The following ZNF248 variants were observed in gnomAD, a reference collection of about 807,000 sequenced individuals.
ZNF248 encodes zinc finger protein 248, also known as KRAB protein domain.
In ZNF248, 20 loss-of-function variants were observed where a neutral mutation model predicts 44.3. That is an observed-to-expected ratio of 0.45 (90% CI 0.32 to 0.66). The LOEUF is 0.66. Ranked by LOEUF, ZNF248 falls within the 30% of genes least tolerant of loss-of-function variation. The pLI is 0.04. For synonymous variants in ZNF248, 224 were observed against 229.0 expected, an observed-to-expected ratio of 0.98 and a Z score of 0.20; for missense variants, 654 against 677.0, an observed-to-expected ratio of 0.97 and a Z score of 0.38.
rs557040320 is a variant in ZNF248, at chr10:37,831,771, G to T, written c.1584C>A (p.Thr528=). 2 of 1,612,678 alleles carry T rather than the reference G, an allele frequency of 1.2e-6. No individual in the cohort carries two copies. The highest frequency in any genetic ancestry group is 4.5e-5 in the East Asian group (2 of 44,838). The change falls in exon 6 of 6, where the codon ACC becomes ACA. Residue 528 remains threonine, a synonymous_variant. Transcript: ENST00000395867. Reference sequence around the variant, plus strand: ...TAGTGAGAGCTGATTTTTCACAGAAGGTTTTCCCACATTCATTACACTTAT... The same window carrying T: ...TAGTGAGAGCTGATTTTTCACAGAATGTTTTCCCACATTCATTACACTTAT... ...KPYKCNECGK[T]FCEKSALTKH...
intron 3 of ZNF248, among the ~76,000 whole-genome samples, chr10:37,844,644 G>C (rs2058958498): frequency 6.6e-6 from 1 of 152,160 alleles, no homozygotes; most frequent in South Asian, 2.1e-4. Flanking sequence ...ATGATACTGA[G>C]ACAAAACTGG....
downstream of ZNF248, among the ~76,000 whole-genome samples, chr10:37,824,672 AATT>A (rs2054064451): frequency 1.6e-5 from 1 of 61,302 alleles, no homozygotes; most frequent in African/African-American, 6.8e-5. Flanking sequence ...AATTATTTTA[AATT>A]TTTTTTTTTT....
the ZNF248 span, among the ~76,000 whole-genome samples, chr10:37,767,789 T>C: frequency 6.6e-6 from 1 of 152,204 alleles, no homozygotes; most frequent in South Asian, 2.1e-4. Context: ...TAACTTTAAA[T>C]GTAAATGGAC....
chr10:37,844,403 G>T (rs2058912572), intron 3 of ZNF248, among the ~76,000 whole-genome samples: 1 of 151,874 alleles, frequency 6.6e-6, no homozygotes, highest in Admixed American at 6.6e-5. Flanking sequence ...AACGCCGTAT[G>T]AAGAAATAAA....
intron 6 of ZNF248, among the ~76,000 whole-genome samples, chr10:37,823,038 A>G (rs1003459061): frequency 6.6e-6 from 1 of 152,172 alleles, no homozygotes; most frequent in African/African-American, 2.4e-5. Flanking sequence ...ATGACAGCTT[A>G]AAAAATGCAA....
chr10:37,787,491 T>G (rs1174364001), intron 6 of ZNF248, among the ~76,000 whole-genome samples: 1 of 143,426 alleles, frequency 7.0e-6, no homozygotes, highest in Non-Finnish European at 1.5e-5. Context: ...TTTGTATGTA[T>G]GTTTTTCGGT....
chr10:37,844,610 G>T (rs1220507765), intron 3 of ZNF248, among the ~76,000 whole-genome samples: 4 of 152,184 alleles, frequency 2.6e-5, no homozygotes, highest in Admixed American at 1.3e-4. Context: ...GGAGAAGGCA[G>T]CTGGATAGGA....
downstream of ZNF248, chr10:37,776,204 T>A: frequency 5.6e-6 from 1 of 178,644 alleles, no homozygotes; most frequent in Non-Finnish European, 1.2e-5. Flanking sequence ...CTATGCCCAG[T>A]GATCTCTCCC....
At chr10:37,787,702 G>A (rs1450889559) in intron 6 of ZNF248, among the ~76,000 whole-genome samples, 1 of 150,484 alleles carries the variant, frequency 6.6e-6, no homozygotes, top group Non-Finnish European at 1.5e-5. Flanking sequence ...GAAAATTAAA[G>A]CAGAATGAAT....
intron 6 of ZNF248, among the ~76,000 whole-genome samples, chr10:37,800,825 G>A (rs556118288): frequency 6.6e-6 from 1 of 151,304 alleles, no homozygotes; most frequent in South Asian, 2.1e-4. Context: ...GCAGTGGCAC[G>A]ATCTTGGCTC....
At chr10:37,777,642 G>C (rs527331103) in intron 6 of ZNF248, among the ~76,000 whole-genome samples, 25 of 146,368 alleles carry the variant, frequency 1.7e-4, no homozygotes, top group African/African-American at 5.1e-4. Flanking sequence ...CCACCAACTC[G>C]TCATCTAGCA....
chr10:37,783,884 C>G (rs947801233), intron 6 of ZNF248: 1 of 152,310 alleles, frequency 6.6e-6, no homozygotes, highest in African/African-American at 2.4e-5. Flanking sequence ...GGCATGACCT[C>G]GGCTCACCGC....
In ZNF248 at chr10:37,777,140, G is replaced by C. The variant is rs1029340881; in HGVS notation, c.331-565C>G. Among the ~76,000 whole-genome samples the C allele has an allele frequency of 1.4e-4, 21 of 152,212 alleles. 2 individuals carry two copies. Among genetic ancestry groups the C allele is most frequent in the Admixed American group, 1.2e-3 (18 of 15,280 alleles). ...GATTGAGAGCTCTAAACTGGAGGTA[G>C]GAAGTCATTCTAAGGGCTGCCTGCA... is the stretch of plus-strand genomic sequence containing the variant. On this transcript the variant is annotated intron_variant, in intron 6 of 6. Coordinates refer to the ZNF248 transcript ENST00000615949.
At chr10:37,780,403 G>C (rs933858247) in intron 6 of ZNF248, among the ~76,000 whole-genome samples, 3 of 152,176 alleles carry the variant, frequency 2.0e-5, no homozygotes, top group Non-Finnish European at 4.4e-5. Context: ...CTGAGAAAAA[G>C]AAGCAATGGG....
chr10:37,764,469 TA>T, the ZNF248 span, among the ~76,000 whole-genome samples: 1 of 152,182 alleles, frequency 6.6e-6, no homozygotes, highest in Non-Finnish European at 1.5e-5. Context: ...AATATTTTAT[TA>T]CCTTGTGAAG....
At chr10:37,808,571 C>A (rs766978372) in intron 6 of ZNF248, among the ~76,000 whole-genome samples, 12 of 152,158 alleles carry the variant, frequency 7.9e-5, no homozygotes, top group Non-Finnish European at 1.6e-4. Flanking sequence ...AGGCAGTAGC[C>A]ACCATACCCA....
rs1432292249 is a variant in ZNF248 at position 37,819,549 on chromosome 10, G to A, written c.330+13476C>T. 4 of 965,624 alleles carry A rather than the reference G, an allele frequency of 4.1e-6. No homozygotes were observed. In the East Asian group the frequency reaches 7.2e-5, roughly 17 times the overall value. 59.8% of individuals were successfully genotyped at this position (965,624 alleles called of 1,614,324 possible). A position where few individuals can be genotyped will look rare whatever the true frequency, so the allele number is the denominator to read the frequency against. ...TGTAACAACAAATATCTGTCATTTAGCATTGGATGATCTTTAAATTGTGAG... is the reference window on the plus strand; with the variant it reads ...TGTAACAACAAATATCTGTCATTTAACATTGGATGATCTTTAAATTGTGAG... On this transcript the variant is annotated intron_variant, in intron 6 of 6. Transcript: ENST00000615949.
chr10:37,805,002 C>T (rs560275103), intron 6 of ZNF248, among the ~76,000 whole-genome samples: 1 of 151,976 alleles, frequency 6.6e-6, no homozygotes, highest in East Asian at 1.9e-4. Context: ...TGTTCCACTC[C>T]TAAAAGAAGA....
At chr10:37,801,035 T>C (rs187715097) in intron 6 of ZNF248, among the ~76,000 whole-genome samples, 2 of 151,946 alleles carry the variant, frequency 1.3e-5, no homozygotes, top group East Asian at 2.0e-4. Flanking sequence ...GTGCTGGGAT[T>C]ACAGACATGA....
Sources: gnomAD v4.1 joint callset for allele counts (sites outside exome capture counted in the v4.1 genomes callset) on GRCh38, gnomAD v4.1.1 for gene constraint, MANE v1.5 for transcripts, NCBI Gene and HGNC (gene_info 2026-07-23, HGNC 2026-07-21) for gene names.